The following CDH15 variants were observed in gnomAD, a reference collection of about 807,000 sequenced individuals.
CDH15 encodes cadherin-15.
A neutral mutation model predicts 69.4 loss-of-function variants in CDH15; 73 were observed. That is an observed-to-expected ratio of 1.05 (90% confidence interval 0.87 to 1.28). CDH15 has a LOEUF of 1.28. Among genes scored for constraint, CDH15 ranks in the 50% most tolerant of loss-of-function variants. The pLI, the probability that CDH15 is intolerant of heterozygous loss-of-function variation, is 0.00. For missense variants in CDH15, 1,343 were observed against 1,133.6 expected, an observed-to-expected ratio of 1.18 and a Z score of -2.65; for synonymous variants, 624 against 507.7, an observed-to-expected ratio of 1.23 and a Z score of -3.08.
At chr16:89,176,597 A>G (rs888603791) in intron 1 of CDH15, among the ~76,000 whole-genome samples, 24 of 151,690 alleles carry the variant, frequency 1.6e-4, no homozygotes, top group African/African-American at 5.8e-4. Context: ...TGGCCGGCAC[A>G]CCTCTGTAGT....
intron 1 of CDH15, among the ~76,000 whole-genome samples, 179 bp from the exon 2 acceptor site, chr16:89,179,237 T>C (rs1567771044): frequency 6.6e-6 from 1 of 152,202 alleles, no homozygotes; most frequent in Non-Finnish European, 1.5e-5. Context: ...TCACGTGCCT[T>C]TGCCCTTGTG....
intron 1 of CDH15, among the ~76,000 whole-genome samples, chr16:89,175,007 C>T (rs12444102): frequency 0.19 from 29,207 of 152,074 alleles, 4,546 homozygotes; most frequent in East Asian, 0.58. Context: ...GCTTTGAGAA[C>T]GCCCCCGAGA....
At chr16:89,182,231 G>C (rs12597008) in intron 3 of CDH15, among the ~76,000 whole-genome samples, 72 of 14,216 alleles carry the variant, frequency 5.1e-3, no homozygotes, top group Middle Eastern at 0.036. Context: ...CCCCCAGCCT[G>C]CCCTCCCCCA....
At chr16:89,175,730 G>C (rs1005720460) in intron 1 of CDH15, among the ~76,000 whole-genome samples, 3 of 152,240 alleles carry the variant, frequency 2.0e-5, no homozygotes, top group Non-Finnish European at 4.4e-5. Context: ...CAGGCTCCGA[G>C]GCCAGGGCCG....
In CDH15 at chr16:89,193,594, G is replaced by C. The variant is rs374687154; in HGVS notation, c.1980G>C (p.Gly660=). ...NVLNYDEQGG[G]EEDQDAYDIS... ...TCAACTACGATGAGCAAGGAGGCGGGGAGGAGGACCAGGTGAGGGGGCAGG... is the reference window on the plus strand; with the variant it reads ...TCAACTACGATGAGCAAGGAGGCGGCGAGGAGGACCAGGTGAGGGGGCAGG... Residue 660 remains glycine, a synonymous_variant, in exon 12 of 14, where the codon GGG becomes GGC. Transcript: ENST00000289746. The C allele has an allele frequency of 1.2e-5, 20 of 1,600,676 alleles. No homozygotes were observed. The East Asian group carries it at 2.9e-4, about 23-fold the overall frequency.
chr16:89,179,960 G>A (rs183906601), intron 2 of CDH15, among the ~76,000 whole-genome samples: 156 of 152,360 alleles, frequency 1.0e-3, no homozygotes, highest in African/African-American at 3.5e-3. Context: ...AGAGACCAGG[G>A]CCCTGAGGAC....
Position 89,192,217 on chromosome 16 carries a change from G to T in CDH15, c.1628G>T (p.Arg543Leu). The T allele has an allele frequency of 6.5e-7, 1 of 1,528,980 alleles. No individual in the cohort carries two copies. The highest frequency in any genetic ancestry group is 8.7e-7 in the Non-Finnish European group (1 of 1,144,416). 94.7% of individuals were successfully genotyped at this position (1,528,980 alleles called of 1,614,324 possible). The change falls in exon 11 of 14, where the codon CGC becomes CTC. Residue 543 changes from arginine to leucine, a missense_variant. Transcript: ENST00000289746. ...SLSQVNVSHARLRPRHQVPEG... is the reference protein window; with the variant it reads ...SLSQVNVSHALLRPRHQVPEG... ...GCGCCCTCCGCAGTGAGCCACGCGC[G>T]CCTGCGGCCGCGACACCAGGTCCCC...
At chr16:89,187,269 G>C (rs1597308523) in intron 5 of CDH15, among the ~76,000 whole-genome samples, 160 bp from the exon 6 acceptor site, 1 of 152,360 alleles carries the variant, frequency 6.6e-6, no homozygotes, top group East Asian at 1.9e-4. Context: ...CATGCACTTA[G>C]GATCAGGGCA....
At chr16:89,186,634 G>C (rs1915495014) in intron 5 of CDH15, among the ~76,000 whole-genome samples, 1 of 130,294 alleles carries the variant, frequency 7.7e-6, no homozygotes, top group African/African-American at 3.0e-5. Context: ...CTCTGTAAAC[G>C]CTCACCCAGC....
At chr16:89,187,183 A>T (rs1163639564) in intron 5 of CDH15, among the ~76,000 whole-genome samples, 2 of 152,242 alleles carry the variant, frequency 1.3e-5, no homozygotes, top group African/African-American at 4.8e-5. Context: ...GGTGCTCTGT[A>T]AACGCTTACC....
rs896452543 is a variant in CDH15, at chr16:89,195,462, G to A, written c.*307G>A. 200 of 440,620 alleles carry A rather than the reference G, an allele frequency of 4.5e-4. 2 individuals are homozygous for A. In the East Asian group the frequency reaches 7.4e-3, roughly 16 times the overall value. The allele number at this position is 440,620 out of a possible 1,614,324, so 27.3% of individuals were successfully genotyped here. ...AGACAGCAACCTCCTGGGTAAATCTGAATGAAAAACGTGCTAGTCTCTTTC... is the reference window on the plus strand; with the variant it reads ...AGACAGCAACCTCCTGGGTAAATCTAAATGAAAAACGTGCTAGTCTCTTTC... On this transcript the variant is annotated 3_prime_UTR_variant, in exon 14 of 14. Transcript: ENST00000289746.
intron 1 of CDH15, among the ~76,000 whole-genome samples, chr16:89,174,338 G>A (rs113700773): frequency 3.9e-5 from 6 of 152,066 alleles, no homozygotes; most frequent in African/African-American, 7.2e-5. Flanking sequence ...AGGGGCCTTC[G>A]CACTCTCTTC....
intron 3 of CDH15, among the ~76,000 whole-genome samples, chr16:89,180,700 G>A (rs1463909548): frequency 3.3e-5 from 5 of 152,204 alleles, no homozygotes; most frequent in African/African-American, 9.6e-5. Context: ...CAGGAGTGTC[G>A]TGAAGAATCT....
In CDH15 at chr16:89,194,730, C is replaced by T. The variant is rs529337609; in HGVS notation, c.2152-132C>T. On this transcript the variant is annotated intron_variant, in intron 13 of 13. Coordinates refer to ENST00000289746, the MANE Select transcript of CDH15 (RefSeq NM_004933.3). Reference sequence around the variant, plus strand: ...GGACGCTTTGCCTCCCCTCAGACCTCGCCCCCGGACGTGGGCAGCTTCCCC... The same window carrying T: ...GGACGCTTTGCCTCCCCTCAGACCTTGCCCCCGGACGTGGGCAGCTTCCCC... 879 of 880,364 alleles carry T rather than the reference C, an allele frequency of 1.0e-3. 1 individual carries two copies. The highest frequency in any genetic ancestry group is 1.2e-3 in the Non-Finnish European group (673 of 552,166). 54.5% of individuals were successfully genotyped at this position (880,364 alleles called of 1,614,324 possible). A position where few individuals can be genotyped will look rare whatever the true frequency, so the allele number is the denominator to read the frequency against.
chr16:89,195,052 G>A lies in CDH15; in HGVS notation c.2342G>A (p.Gly781Glu), dbSNP rs752042973. The change falls in exon 14 of 14, where the codon GGG becomes GAG. Residue 781 changes from glycine to glutamate, a missense_variant. Physicochemically the swap from Gly to Glu is moderately conservative, Grantham distance 98. Coordinates refer to ENST00000289746, the MANE Select transcript of CDH15 (RefSeq NM_004933.3). Reference sequence around the variant, plus strand: ...TTCGCCCGGCTGGCAGACATGTATGGGCACCCGTGCGGGTTGGAGTACGGG... The same window carrying A: ...TTCGCCCGGCTGGCAGACATGTATGAGCACCCGTGCGGGTTGGAGTACGGG... ...PRFARLADMY[G>E]HPCGLEYGAR... 3 of 1,612,464 alleles carry A rather than the reference G, an allele frequency of 1.9e-6. No individual in the cohort carries two copies. The highest frequency in any genetic ancestry group is 2.7e-5 in the African/African-American group (2 of 74,926).
At chr16:89,174,422 G>T (rs1192660075) in intron 1 of CDH15, among the ~76,000 whole-genome samples, 1 of 152,186 alleles carries the variant, frequency 6.6e-6, no homozygotes, top group East Asian at 1.9e-4. Context: ...AAAACCGGGG[G>T]AGCAGGAGTG....
intron 5 of CDH15, among the ~76,000 whole-genome samples, chr16:89,186,424 T>A (rs1367103446): frequency 1.1e-4 from 11 of 99,326 alleles, no homozygotes; most frequent in African/African-American, 3.5e-4. Flanking sequence ...CAGCGCACAG[T>A]AGGTGCTCTG....
intron 1 of CDH15, among the ~76,000 whole-genome samples, chr16:89,174,227 C>T (rs1248520903): frequency 6.6e-6 from 1 of 152,210 alleles, no homozygotes; most frequent in Non-Finnish European, 1.5e-5. Context: ...CCGCTCTGGG[C>T]CAGGCCAACA....
intron 3 of CDH15, among the ~76,000 whole-genome samples, chr16:89,181,648 A>C (rs559155274): frequency 6.6e-5 from 10 of 151,588 alleles, no homozygotes; most frequent in African/African-American, 1.9e-4. Context: ...AAAAAAAAAG[A>C]AGAAAAGAGG....
Sources: allele counts gnomAD v4.1 joint callset (sites outside exome capture counted in the v4.1 genomes callset), GRCh38; gene constraint gnomAD v4.1.1; transcripts MANE v1.5; gene names NCBI Gene and HGNC (gene_info 2026-07-23, HGNC 2026-07-21).